The following ZFHX3 variants were observed in gnomAD, a reference collection of about 807,000 sequenced individuals.
ZFHX3 encodes zinc finger homeobox 3.
In ZFHX3, 42 loss-of-function variants were observed where a neutral mutation model predicts 279.1. The ratio of observed to expected loss-of-function variants is 0.15; its 90% CI spans 0.12 to 0.19. The LOEUF (loss-of-function observed/expected upper bound fraction) is 0.19, where lower values mean the gene tolerates loss of function less well. ZFHX3 is among the 10% of genes least tolerant of loss of function. The pLI, the probability that ZFHX3 is intolerant of heterozygous loss-of-function variation, is 1.00. For missense variants in ZFHX3, 4,981 were observed against 4,754.0 expected, an observed-to-expected ratio of 1.05 and a Z score of -1.40; for synonymous variants, 2,293 against 1,957.8, an observed-to-expected ratio of 1.17 and a Z score of -4.52.
intron 7 of ZFHX3, among the ~76,000 whole-genome samples, chr16:73,107,286 G>C (rs551500955): frequency 6.6e-6 from 1 of 152,074 alleles, no homozygotes; most frequent in African/African-American, 2.4e-5. Context: ...CTCCAGACTG[G>C]ACGACAGAGC....
chr16:73,785,347 C>T (rs1167628470), intron 1 of ZFHX3, among the ~76,000 whole-genome samples: 1 of 152,180 alleles, frequency 6.6e-6, no homozygotes, highest in Non-Finnish European at 1.5e-5. Context: ...AATTCTTCCA[C>T]ATAAATGAAT....
intron 2 of ZFHX3, among the ~76,000 whole-genome samples, chr16:73,671,456 T>C (rs1597058146): frequency 6.6e-6 from 1 of 152,142 alleles, no homozygotes; most frequent in Admixed American, 6.5e-5. Flanking sequence ...GAGAGACAAA[T>C]ACATGGTTGG....
intron 2 of ZFHX3, among the ~76,000 whole-genome samples, chr16:73,539,966 T>C (rs773193601): frequency 1.1e-4 from 16 of 152,232 alleles, no homozygotes; most frequent in Non-Finnish European, 2.2e-4. Context: ...GAATTTAGAC[T>C]CTGCTAAGGA....
chr16:73,789,963 G>T (rs115387890), intron 1 of ZFHX3, among the ~76,000 whole-genome samples: 1 of 151,992 alleles, frequency 6.6e-6, no homozygotes, highest in Admixed American at 6.6e-5. Context: ...ATTTATTATC[G>T]CATTGCACTC....
At chr16:73,494,726 AT>A (rs368325532) in intron 2 of ZFHX3, among the ~76,000 whole-genome samples, 53,466 of 146,668 alleles carry the variant, frequency 0.36, 10,031 homozygotes, top group African/African-American at 0.49. Flanking sequence ...TGACCGGCTA[AT>A]TTTTTTTTTT....
At chr16:73,004,750 T>G (rs1963645060) in intron 1 of ZFHX3, among the ~76,000 whole-genome samples, 2 of 152,372 alleles carry the variant, frequency 1.3e-5, no homozygotes, top group South Asian at 4.1e-4. Flanking sequence ...ACAATTTTTT[T>G]TAAGTAGACT....
At chr16:73,531,714 CAAAAAAA>C (rs34119200) in intron 2 of ZFHX3, among the ~76,000 whole-genome samples, 1 of 81,146 alleles carries the variant, frequency 1.2e-5, no homozygotes, top group African/African-American at 4.8e-5. Context: ...AACCCTGTCT[CAAAAAAA>C]AAAAAAAAAA....
intron 1 of ZFHX3, among the ~76,000 whole-genome samples, chr16:73,823,975 A>C (rs558861831): frequency 3.3e-5 from 5 of 152,192 alleles, no homozygotes; most frequent in Non-Finnish European, 7.3e-5. Flanking sequence ...ATTTTGCTTC[A>C]CGGAATAACT....
At chr16:73,055,696 G>GCACACACACA (rs200899475) in intron 1 of ZFHX3, among the ~76,000 whole-genome samples, 128 of 94,746 alleles carry the variant, frequency 1.4e-3, no homozygotes, top group East Asian at 8.0e-3. Flanking sequence ...GCGCGCGCGC[G>GCACACACACA]CGCACACACA....
intron 2 of ZFHX3, among the ~76,000 whole-genome samples, chr16:73,637,767 A>G (rs1800340908): frequency 6.6e-6 from 1 of 152,172 alleles, no homozygotes; most frequent in Admixed American, 6.5e-5. Context: ...TTGAAAAAAA[A>G]GTTTGCATAT....
chr16:73,406,117 C>T (rs549791288), intron 3 of ZFHX3, among the ~76,000 whole-genome samples: 85 of 152,378 alleles, frequency 5.6e-4, no homozygotes, highest in Admixed American at 1.4e-3. Context: ...CCTCAGGATG[C>T]CCCATCAGAT....
chr16:73,763,608 C>A (rs1424658862), intron 1 of ZFHX3, among the ~76,000 whole-genome samples: 1 of 152,138 alleles, frequency 6.6e-6, no homozygotes, highest in East Asian at 1.9e-4. Flanking sequence ...AGGTGACACT[C>A]AATGAGTCAC....
rs1378019561 is a variant in ZFHX3, at chr16:72,788,631, T to TGCTGGCGGCGGG, written c.9633_9644dup (p.Pro3212_Ala3215dup). 6.2e-7 allele frequency: 1 copy of TGCTGGCGGCGGG among 1,613,244 alleles called. No homozygotes were observed. Among genetic ancestry groups the TGCTGGCGGCGGG allele is most frequent in the African/African-American group, 1.3e-5 (1 of 74,882 alleles). On this transcript the variant is annotated inframe_insertion, in exon 10 of 10. Coordinates refer to ENST00000268489, the MANE Select transcript of ZFHX3 (RefSeq NM_006885.4). ...GCTGTGGTGTGGGTGGCGGCTGGGC[T>TGCTGGCGGCGGG]GCTGGCGGCGGGGGAGGCTGCTGCA...
intron 5 of ZFHX3, among the ~76,000 whole-genome samples, chr16:72,812,583 GA>G (rs908017860): frequency 3.0e-4 from 45 of 152,258 alleles, no homozygotes; most frequent in African/African-American, 8.2e-4. Context: ...ATATGTGGGG[GA>G]AAAAAATCAA....
chr16:73,235,357 T>TACATGGTGAGGCACCATGCCC (rs1310205339), intron 5 of ZFHX3, among the ~76,000 whole-genome samples: 3 of 152,216 alleles, frequency 2.0e-5, no homozygotes, highest in Non-Finnish European at 4.4e-5. Flanking sequence ...GCACTTTGCC[T>TACATGGTGAGGCACCATGCCC]ACATGGTGAG....
chr16:73,276,808 T>A (rs982195776), intron 4 of ZFHX3, among the ~76,000 whole-genome samples: 1 of 152,308 alleles, frequency 6.6e-6, no homozygotes, highest in Non-Finnish European at 1.5e-5. Context: ...ATGTGGGAAA[T>A]AGTCGATTAC....
chr16:73,657,576 C>T (rs963361508), intron 2 of ZFHX3, among the ~76,000 whole-genome samples: 2 of 152,154 alleles, frequency 1.3e-5, no homozygotes, highest in Non-Finnish European at 2.9e-5. Context: ...ACCTAGTACC[C>T]TTTAGCAATC....
intron 2 of ZFHX3, among the ~76,000 whole-genome samples, chr16:73,561,034 T>A (rs925063186): frequency 2.1e-4 from 32 of 152,360 alleles, no homozygotes; most frequent in African/African-American, 7.5e-4. Context: ...AATAATATGT[T>A]AAAATATTCA....
chr16:73,122,356 C>G (rs993806046), intron 7 of ZFHX3, among the ~76,000 whole-genome samples: 7 of 151,690 alleles, frequency 4.6e-5, no homozygotes, highest in African/African-American at 1.7e-4. Flanking sequence ...CAGGTGCATG[C>G]CAGGCTAATT....
Sources: allele counts gnomAD v4.1 joint callset (sites outside exome capture counted in the v4.1 genomes callset), GRCh38; gene constraint gnomAD v4.1.1; transcripts MANE v1.5; gene names NCBI Gene and HGNC (gene_info 2026-07-23, HGNC 2026-07-21).